Variants in COL25A1 observed in about 807,000 individuals in gnomAD.
The protein encoded by COL25A1 is collagen alpha-1(XXV) chain.
A neutral mutation model predicts 128.4 loss-of-function variants in COL25A1; 103 were observed. That is an observed-to-expected ratio of 0.80 (90% CI 0.68 to 0.94). The LOEUF (loss-of-function observed/expected upper bound fraction) is 0.94, where lower values mean the gene tolerates loss of function less well. COL25A1 is among the 40% of genes least tolerant of loss of function. The probability of loss-of-function intolerance (pLI) is 0.00; values close to 1 mark genes in which losing one functional copy is unlikely to be tolerated. For missense variants in COL25A1, 745 were observed against 840.0 expected (o/e 0.89, Z 1.40); for synonymous variants, 279 against 277.2 (o/e 1.01, Z -0.06).
At chr4:109,203,686 T>A (rs1686250115) in intron 3 of COL25A1, among the ~76,000 whole-genome samples, 1 of 151,240 alleles carries the variant, frequency 6.6e-6, no homozygotes, top group Admixed American at 6.6e-5. Flanking sequence ...TATCTTAGGG[T>A]GAAATAAATA....
chr4:109,283,403 T>C (rs1723573773), intron 3 of COL25A1, among the ~76,000 whole-genome samples: 1 of 152,070 alleles, frequency 6.6e-6, no homozygotes, highest in African/African-American at 2.4e-5. Context: ...TGTGCCACCA[T>C]ACCAGGCTAA....
chr4:109,186,739 A>C (rs944858557), intron 3 of COL25A1, among the ~76,000 whole-genome samples: 1 of 152,188 alleles, frequency 6.6e-6, no homozygotes, highest in Non-Finnish European at 1.5e-5. Flanking sequence ...CTCTAAACAA[A>C]TGTGAGAAGA....
chr4:109,042,706 A>C (rs1579181238), intron 5 of COL25A1, among the ~76,000 whole-genome samples: 3 of 152,218 alleles, frequency 2.0e-5, no homozygotes, highest in South Asian at 4.1e-4. Context: ...AGGAATATAA[A>C]AAGGAGTAAT....
intron 6 of COL25A1, among the ~76,000 whole-genome samples, chr4:109,007,058 TTAAAA>T (rs1032286131): frequency 3.3e-5 from 5 of 152,150 alleles, no homozygotes; most frequent in African/African-American, 4.8e-5. Flanking sequence ...AACCCTGAAC[TTAAAA>T]TAAAAGTTGA....
chr4:109,134,726 G>C (rs1172710084), intron 3 of COL25A1, among the ~76,000 whole-genome samples: 1 of 152,126 alleles, frequency 6.6e-6, no homozygotes, highest in Non-Finnish European at 1.5e-5. Context: ...TATCGACTGA[G>C]ATGGGGAGGA....
chr4:109,247,710 G>T lies in COL25A1; in HGVS notation c.367+52873C>A, dbSNP rs567674082. Among the ~76,000 whole-genome samples, 8 of 152,244 alleles carry T rather than the reference G, an allele frequency of 5.3e-5. No homozygotes were observed. The East Asian group carries it at 9.6e-4, about 18-fold the overall frequency. On this transcript the variant is annotated intron_variant, in intron 3 of 37. Coordinates refer to ENST00000399132, the MANE Select transcript of COL25A1 (RefSeq NM_198721.4). ...ATGCTAGGTGGGAAGTAAAACTAAG[G>T]CATTCTACATGGGATAACCACCAGG...
At chr4:109,194,531 C>A (rs1775864970) in intron 3 of COL25A1, among the ~76,000 whole-genome samples, 1 of 151,948 alleles carries the variant, frequency 6.6e-6, no homozygotes, top group African/African-American at 2.4e-5. Context: ...ATCCTTACCC[C>A]ATGGAGTATA....
At chr4:109,013,546 G>T (rs1329406058) in intron 5 of COL25A1, among the ~76,000 whole-genome samples, 1 of 129,742 alleles carries the variant, frequency 7.7e-6, no homozygotes, top group Non-Finnish European at 1.6e-5. Flanking sequence ...CTCACTCTTT[G>T]GGTCCACACT....
Position 108,975,394 on chromosome 4 carries a change from T to C in COL25A1, c.439-835A>G, listed in dbSNP as rs574124609. ...TCGCTTGAACCTGGGAGGTGGAGGT[T>C]GAGGTGAGCTGAGATTGTGCCACTG... On this transcript the variant is annotated intron_variant, in intron 6 of 37. Transcript: ENST00000399132. Among the ~76,000 whole-genome samples, 5 of 152,302 alleles carry C rather than the reference T, an allele frequency of 3.3e-5. No homozygotes were observed. In the East Asian group the frequency reaches 7.7e-4, roughly 24 times the overall value.
At chr4:108,851,076 A>T (rs1735718111) in intron 26 of COL25A1, among the ~76,000 whole-genome samples, 1 of 152,130 alleles carries the variant, frequency 6.6e-6, no homozygotes, top group South Asian at 2.1e-4. Context: ...TTGGTTCTAC[A>T]CAAAGGAAAA....
At chr4:109,042,229 G>A (rs148621313) in intron 5 of COL25A1, among the ~76,000 whole-genome samples, 1 of 152,164 alleles carries the variant, frequency 6.6e-6, no homozygotes, top group Non-Finnish European at 1.5e-5. Flanking sequence ...TGAACACAGT[G>A]CTCTCTACAA....
At chr4:109,033,175 G>C (rs1205834603) in intron 5 of COL25A1, among the ~76,000 whole-genome samples, 2 of 152,226 alleles carry the variant, frequency 1.3e-5, no homozygotes, top group Non-Finnish European at 2.9e-5. Flanking sequence ...TTTCAGTTCA[G>C]TTCACACACA....
At chr4:109,232,180 C>G (rs578153179) in intron 3 of COL25A1, among the ~76,000 whole-genome samples, 93 of 152,218 alleles carry the variant, frequency 6.1e-4, no homozygotes, top group African/African-American at 1.8e-3. Flanking sequence ...AATACTTTGT[C>G]AATAAAGCCA....
At chr4:108,841,473 G>C (rs555376891) in intron 31 of COL25A1, among the ~76,000 whole-genome samples, 1 of 152,190 alleles carries the variant, frequency 6.6e-6, no homozygotes, top group South Asian at 2.1e-4. Context: ...TAGTGACCAG[G>C]AAAAAGGCAA....
rs551023399 is a variant in COL25A1, at chr4:108,983,714, C to A, written c.439-9155G>T. On this transcript the variant is annotated intron_variant, in intron 6 of 37. Coordinates refer to ENST00000399132, the MANE Select transcript of COL25A1 (RefSeq NM_198721.4). ...CTGGCTCAGGAGTGAAGCTGCGGAC[C>A]TTCGCAGTGAGTGTTACAGCTCTTA... Among the ~76,000 whole-genome samples, 153 of 152,164 alleles carry A rather than the reference C, an allele frequency of 1.0e-3. 1 individual carries two copies. The highest frequency in any genetic ancestry group is 3.6e-3 in the African/African-American group (149 of 41,508).
intron 3 of COL25A1, among the ~76,000 whole-genome samples, chr4:109,252,769 TCTGCCCA>T (rs1421757965): frequency 1.1e-4 from 16 of 152,192 alleles, no homozygotes; most frequent in Admixed American, 5.9e-4. Flanking sequence ...CAGCTTGAAC[TCTGCCCA>T]CTAGGCGAGT....
At chr4:108,819,633 G>A (rs77735410) in intron 35 of COL25A1, among the ~76,000 whole-genome samples, 2,531 of 152,204 alleles carry the variant, frequency 0.017, 77 homozygotes, top group African/African-American at 0.057. Context: ...CAGAGCTAGT[G>A]GCCCAAGACG....
rs1353344753 is a variant in COL25A1 at position 108,846,161 on chromosome 4, C to T, written c.1493G>A (p.Gly498Glu). 3.1e-6 allele frequency: 5 copies of T among 1,611,764 alleles called. No homozygotes were observed. Among genetic ancestry groups the T allele is most frequent in the Admixed American group, 3.3e-5 (2 of 59,990 alleles). ...GDPGMTGEKG[G>E]IGLPGLPGAN... Reference sequence around the variant, plus strand: ...TACCGGTAATCCAGGAAGTCCAATTCCTCCTTTTTCACCTGTCATACCTGG... The same window carrying T: ...TACCGGTAATCCAGGAAGTCCAATTTCTCCTTTTTCACCTGTCATACCTGG... Residue 498 changes from glycine to glutamate, a missense_variant, in exon 28 of 38, where the codon GGA becomes GAA. Gly to Glu is a moderately conservative substitution (Grantham distance 98, BLOSUM62 -2). Transcript: ENST00000399132.
intron 3 of COL25A1, among the ~76,000 whole-genome samples, chr4:109,067,852 T>G (rs79551193): frequency 0.073 from 11,184 of 152,176 alleles, 468 homozygotes; most frequent in East Asian, 0.096. Context: ...CCAATAGAAT[T>G]CAACACAGTT....
Sources: allele counts gnomAD v4.1 joint callset (sites outside exome capture counted in the v4.1 genomes callset), GRCh38; gene constraint gnomAD v4.1.1; transcripts MANE v1.5; gene names NCBI Gene and HGNC (gene_info 2026-07-23, HGNC 2026-07-21).